Variants in SUCLG2 observed in about 807,000 individuals in gnomAD.
The protein encoded by SUCLG2 is succinate--CoA ligase [GDP-forming] subunit beta, mitochondrial.
Under a neutral mutation model 47.9 loss-of-function variants are expected in SUCLG2, and 42 were observed. That is an observed-to-expected ratio of 0.88 (90% CI 0.69 to 1.14). The LOEUF (loss-of-function observed/expected upper bound fraction) is 1.14, where lower values mean the gene tolerates loss of function less well. Ranked by LOEUF, SUCLG2 falls within the 50% of genes most tolerant of loss-of-function variation. SUCLG2 has a pLI of 0.00. For synonymous variants in SUCLG2, 195 were observed against 197.3 expected, an observed-to-expected ratio of 0.99 and a Z score of 0.10; for missense variants, 571 against 525.9, an observed-to-expected ratio of 1.09 and a Z score of -0.84.
At chr3:67,530,782 G>A (rs1367012161) in intron 2 of SUCLG2, among the ~76,000 whole-genome samples, 1 of 152,152 alleles carries the variant, frequency 6.6e-6, no homozygotes, top group African/African-American at 2.4e-5. Context: ...CCCTGGATAC[G>A]AACCATCACA....
chr3:67,509,048 T>G, intron 6 of SUCLG2, 145 bp from the exon 7 acceptor site: 3 of 614,906 alleles, frequency 4.9e-6, no homozygotes, highest in Non-Finnish European at 8.5e-6. Context: ...AGCATAATTA[T>G]TTTAATTTCC....
At position 67,535,978 on chromosome 3, in the gene SUCLG2, G is replaced by C. The variant is rs377029386; in HGVS notation, c.227-6792C>G. On this transcript the variant is annotated intron_variant, in intron 2 of 10. Coordinates refer to ENST00000307227, the MANE Select transcript of SUCLG2 (RefSeq NM_003848.4). ...TAACATCTGACAGCAGAGCCCACAA[G>C]TGTTGCGGGTTGAAAATGAACAGCT... Among the ~76,000 whole-genome samples the C allele has an allele frequency of 2.6e-5, 4 of 152,226 alleles. No individual in the cohort carries two copies. The South Asian group carries it at 8.3e-4, about 32-fold the overall frequency.
chr3:67,615,359 C>T (rs780799395), intron 1 of SUCLG2, among the ~76,000 whole-genome samples: 55 of 151,896 alleles, frequency 3.6e-4, no homozygotes, highest in Admixed American at 3.9e-4. Context: ...GTGGGGGAAT[C>T]AACAGAGAAT....
At chr3:67,452,750 A>G (rs1295824313) in intron 9 of SUCLG2, among the ~76,000 whole-genome samples, 2 of 152,224 alleles carry the variant, frequency 1.3e-5, no homozygotes, top group Non-Finnish European at 2.9e-5. Context: ...GATAACATCT[A>G]ATAAATTCCT....
intron 9 of SUCLG2, among the ~76,000 whole-genome samples, chr3:67,456,542 G>A (rs1250672008): frequency 6.6e-6 from 1 of 152,130 alleles, no homozygotes; most frequent in Non-Finnish European, 1.5e-5. Context: ...TGGTATGTGA[G>A]GGCATAGGGA....
intron 9 of SUCLG2, among the ~76,000 whole-genome samples, 182 bp from the exon 10 acceptor site, chr3:67,401,033 T>G (rs1258887493): frequency 6.6e-6 from 1 of 152,170 alleles, no homozygotes; most frequent in Non-Finnish European, 1.5e-5. Context: ...TAGTAATAAA[T>G]TAATAAATAT....
chr3:67,593,008 A>T (rs1346631722), intron 2 of SUCLG2, among the ~76,000 whole-genome samples: 1 of 152,246 alleles, frequency 6.6e-6, no homozygotes, highest in Non-Finnish European at 1.5e-5. Flanking sequence ...GAAGGCTATT[A>T]GGAAAATGAC....
At position 67,622,585 on chromosome 3, in the gene SUCLG2, T is replaced by C. The variant is rs570802023; in HGVS notation, c.85-12989A>G. On this transcript the variant is annotated intron_variant, in intron 1 of 10. Coordinates refer to ENST00000307227, the MANE Select transcript of SUCLG2 (RefSeq NM_003848.4). ...TCTCTATACGCTGTTTTATCCTGAATAAAAGTTATCTATTTCATGTAGTTA... is the reference window on the plus strand; with the variant it reads ...TCTCTATACGCTGTTTTATCCTGAACAAAAGTTATCTATTTCATGTAGTTA... Among the ~76,000 whole-genome samples, 18 of 152,332 alleles carry C rather than the reference T, an allele frequency of 1.2e-4. No individual in the cohort carries two copies. The East Asian group carries it at 2.9e-3, about 24-fold the overall frequency.
Position 67,398,281 on chromosome 3 carries a change from G to T in SUCLG2, c.1183+2450C>A, listed in dbSNP as rs1011846393. 1.4e-4 allele frequency among the ~76,000 whole-genome samples: 21 copies of T among 150,332 alleles called. 1 individual carries two copies. Among genetic ancestry groups the T allele is most frequent in the Non-Finnish European group, 2.1e-4 (14 of 67,458 alleles). On this transcript the variant is annotated intron_variant, in intron 10 of 10. Transcript: ENST00000307227. ...TTCGCAACCTACTCATCTGACAAAGGGCTAATATCCAGAATCTACAATGAA... is the reference window on the plus strand; with the variant it reads ...TTCGCAACCTACTCATCTGACAAAGTGCTAATATCCAGAATCTACAATGAA...
intron 4 of SUCLG2, 35 bp downstream of exon 4, chr3:67,528,097 C>T (rs1559558968): frequency 4.5e-6 from 7 of 1,561,876 alleles, no homozygotes; most frequent in Non-Finnish European, 8.8e-7. Flanking sequence ...TTTTTTAACA[C>T]ATATATAGAA....
At chr3:67,615,612 A>T (rs1700611440) in intron 1 of SUCLG2, among the ~76,000 whole-genome samples, 1 of 130,848 alleles carries the variant, frequency 7.6e-6, no homozygotes, top group Non-Finnish European at 1.6e-5. Context: ...GAACACAAAC[A>T]CAAACACAAA....
chr3:67,568,806 G>A (rs1194468619), intron 2 of SUCLG2, among the ~76,000 whole-genome samples: 1 of 152,180 alleles, frequency 6.6e-6, no homozygotes, highest in African/African-American at 2.4e-5. Context: ...AGAATGGCGT[G>A]AACCCGGGAG....
chr3:67,577,120 C>A (rs1284642479), intron 2 of SUCLG2, among the ~76,000 whole-genome samples: 1 of 152,004 alleles, frequency 6.6e-6, no homozygotes. Flanking sequence ...AGATCACTGG[C>A]CAACATGGCA....
At chr3:67,487,554 T>G (rs1705089462) in intron 9 of SUCLG2, among the ~76,000 whole-genome samples, 1 of 149,524 alleles carries the variant, frequency 6.7e-6, no homozygotes, top group African/African-American at 2.5e-5. Flanking sequence ...TAAATCACTG[T>G]GAGAATTATG....
At chr3:67,584,800 G>T (rs1707970574) in intron 2 of SUCLG2, among the ~76,000 whole-genome samples, 2 of 152,168 alleles carry the variant, frequency 1.3e-5, no homozygotes, top group South Asian at 4.1e-4. Flanking sequence ...GCAGGAAGGG[G>T]AAGTGCCGGG....
intron 9 of SUCLG2, among the ~76,000 whole-genome samples, chr3:67,411,372 G>T (rs1702928824): frequency 6.6e-6 from 1 of 151,970 alleles, no homozygotes; most frequent in Admixed American, 6.6e-5. Flanking sequence ...AAACGATGGT[G>T]GAATATAATG....
At chr3:67,488,365 G>A (rs1705116292) in intron 9 of SUCLG2, among the ~76,000 whole-genome samples, 2 of 152,012 alleles carry the variant, frequency 1.3e-5, no homozygotes, top group South Asian at 4.2e-4. Context: ...ACAGTGGGTG[G>A]GGCAGCATGG....
chr3:67,418,165 GATA>G (rs1703076725), intron 9 of SUCLG2, among the ~76,000 whole-genome samples: 1 of 152,096 alleles, frequency 6.6e-6, no homozygotes, highest in South Asian at 2.1e-4. Flanking sequence ...TTAAAATGGG[GATA>G]ATAATATTAG....
chr3:67,457,213 T>C (rs912172064), intron 9 of SUCLG2, among the ~76,000 whole-genome samples: 1 of 152,192 alleles, frequency 6.6e-6, no homozygotes, highest in Non-Finnish European at 1.5e-5. Context: ...TCTGAGTTTG[T>C]AGACTCTAGT....
Sources: gnomAD v4.1 joint callset for allele counts (sites outside exome capture counted in the v4.1 genomes callset) on GRCh38, gnomAD v4.1.1 for gene constraint, MANE v1.5 for transcripts, NCBI Gene and HGNC (gene_info 2026-07-23, HGNC 2026-07-21) for gene names.